The following KCTD16 variants were observed in gnomAD, a reference collection of about 807,000 sequenced individuals.
KCTD16 encodes BTB/POZ domain-containing protein KCTD16.
KCTD16 carries 13 observed loss-of-function variants against 33.2 expected under a neutral mutation model. The ratio of observed to expected loss-of-function variants is 0.39; its 90% CI spans 0.25 to 0.62. The LOEUF (loss-of-function observed/expected upper bound fraction) is 0.62. Ranked by LOEUF, KCTD16 falls within the 20% of genes least tolerant of loss-of-function variation. KCTD16 has a pLI of 0.50. For missense variants in KCTD16, 441 were observed against 525.1 expected, an observed-to-expected ratio of 0.84 and a Z score of 1.57; for synonymous variants, 197 against 195.3, an observed-to-expected ratio of 1.01 and a Z score of -0.07.
intron 3 of KCTD16, among the ~76,000 whole-genome samples, chr5:144,246,145 T>C (rs938883441): frequency 1.3e-5 from 2 of 152,180 alleles, no homozygotes; most frequent in African/African-American, 4.8e-5. Flanking sequence ...GAGTTGGTCT[T>C]CATCAAGCTT....
At chr5:144,339,005 G>A (rs1326106935) in intron 3 of KCTD16, among the ~76,000 whole-genome samples, 1 of 152,002 alleles carries the variant, frequency 6.6e-6, no homozygotes, top group Non-Finnish European at 1.5e-5. Context: ...TCCATCCCCT[G>A]GAACGTGAGG....
intron 2 of KCTD16, among the ~76,000 whole-genome samples, chr5:144,179,817 ATGT>A (rs1341385874): frequency 2.0e-5 from 3 of 152,234 alleles, no homozygotes; most frequent in Non-Finnish European, 4.4e-5. Flanking sequence ...ACATAAAATA[ATGT>A]TGTTTGTGGT....
At chr5:144,254,720 T>G (rs753848904) in intron 3 of KCTD16, among the ~76,000 whole-genome samples, 3 of 152,190 alleles carry the variant, frequency 2.0e-5, no homozygotes, top group African/African-American at 4.8e-5. Flanking sequence ...CTTGATTCTA[T>G]GACCTTGAGT....
chr5:144,241,449 G>A (rs1754401585), intron 3 of KCTD16, among the ~76,000 whole-genome samples: 1 of 152,072 alleles, frequency 6.6e-6, no homozygotes, highest in East Asian at 1.9e-4. Flanking sequence ...ACTGGAAATT[G>A]CAATCAGATC....
intron 2 of KCTD16, among the ~76,000 whole-genome samples, chr5:144,175,328 T>C (rs1752478693): frequency 3.3e-5 from 5 of 152,234 alleles, no homozygotes; most frequent in Admixed American, 3.3e-4. Context: ...TGAGTCCTTA[T>C]GCTAAAGCAG....
In KCTD16 at chr5:144,292,052, G is replaced by A. The variant is rs545211269; in HGVS notation, c.832+84506G>A. Among the ~76,000 whole-genome samples, 4 of 152,138 alleles carry A rather than the reference G, an allele frequency of 2.6e-5. No homozygotes were observed. In the South Asian group the frequency reaches 8.3e-4, roughly 32 times the overall value. On this transcript the variant is annotated intron_variant, in intron 3 of 3. Transcript: ENST00000512467. Reference sequence around the variant, plus strand: ...ATTTTAACTATTTTTCAATATAATTGGTTTCTTTTGTATTTTATTTTATGC... The same window carrying A: ...ATTTTAACTATTTTTCAATATAATTAGTTTCTTTTGTATTTTATTTTATGC...
chr5:144,313,079 TG>T (rs1488652188), intron 3 of KCTD16, among the ~76,000 whole-genome samples: 1 of 152,186 alleles, frequency 6.6e-6, no homozygotes, highest in Non-Finnish European at 1.5e-5. Context: ...GCAGTATAGT[TG>T]CAACCTATAT....
intron 3 of KCTD16, among the ~76,000 whole-genome samples, chr5:144,449,097 C>G (rs879807588): frequency 1.3e-5 from 2 of 152,006 alleles, no homozygotes; most frequent in Non-Finnish European, 2.9e-5. Flanking sequence ...CAATCAATAT[C>G]TATATGTACA....
At chr5:144,431,229 T>C (rs1020478409) in intron 3 of KCTD16, among the ~76,000 whole-genome samples, 1 of 152,192 alleles carries the variant, frequency 6.6e-6, no homozygotes, top group Non-Finnish European at 1.5e-5. Context: ...CCATTTAACA[T>C]GTTTAGTCCA....
intron 3 of KCTD16, among the ~76,000 whole-genome samples, chr5:144,372,030 A>G (rs940706116): frequency 3.3e-5 from 5 of 152,148 alleles, no homozygotes; most frequent in Non-Finnish European, 5.9e-5. Flanking sequence ...TCTGCTTGAC[A>G]GGTTAAGGAT....
At chr5:144,306,476 G>A (rs1372550444) in intron 3 of KCTD16, among the ~76,000 whole-genome samples, 1 of 152,190 alleles carries the variant, frequency 6.6e-6, no homozygotes, top group Non-Finnish European at 1.5e-5. Flanking sequence ...ACTACCACTG[G>A]TGGAGCTAAG....
intron 3 of KCTD16, among the ~76,000 whole-genome samples, chr5:144,345,124 A>G (rs917552272): frequency 2.7e-5 from 4 of 147,888 alleles, no homozygotes; most frequent in Non-Finnish European, 6.0e-5. Context: ...CAAACACCGC[A>G]TGTTCTCACT....
chr5:144,171,034 C>T (rs1178091004), intron 1 of KCTD16, 25 bp downstream of exon 1: 4 of 152,188 alleles, frequency 2.6e-5, no homozygotes, highest in Non-Finnish European at 5.9e-5. Context: ...ATCTTTACAA[C>T]CTAATGAGAT....
At chr5:144,472,259 C>T (rs1204634556) in intron 3 of KCTD16, among the ~76,000 whole-genome samples, 1 of 152,124 alleles carries the variant, frequency 6.6e-6, no homozygotes, top group African/African-American at 2.4e-5. Context: ...TGTAGAAGTG[C>T]CCAGCATGTA....
Position 144,344,826 on chromosome 5 carries a change from A to G in KCTD16, c.833-128834A>G, listed in dbSNP as rs951430687. On this transcript the variant is annotated intron_variant, in intron 3 of 3. Coordinates refer to ENST00000512467, the MANE Select transcript of KCTD16 (RefSeq NM_020768.4). ...TCCTCAGGGATCTAGAACTAGAAAT[A>G]CCATTTGACCCAGCCATCCCATTTC... Among the ~76,000 whole-genome samples, 490 of 150,464 alleles carry G rather than the reference A, an allele frequency of 3.3e-3. 6 individuals are homozygous for G. Among genetic ancestry groups the G allele is most frequent in the African/African-American group, 0.011 (459 of 41,100 alleles).
chr5:144,288,335 A>C (rs1404522679), intron 3 of KCTD16, among the ~76,000 whole-genome samples: 1 of 152,208 alleles, frequency 6.6e-6, no homozygotes, highest in Non-Finnish European at 1.5e-5. Context: ...TGCTAACAGC[A>C]ATAATTAACT....
In KCTD16 at chr5:144,476,729, T is replaced by C. The variant is rs907297241; in HGVS notation, c.*2615T>C. The C allele has an allele frequency of 4.6e-5, 7 of 152,160 alleles. No homozygotes were observed. Among genetic ancestry groups the C allele is most frequent in the Non-Finnish European group, 7.3e-5 (5 of 68,048 alleles). 9.4% of individuals were successfully genotyped at this position (152,160 alleles called of 1,614,324 possible). On this transcript the variant is annotated 3_prime_UTR_variant, in exon 4 of 4. Coordinates refer to ENST00000512467, the MANE Select transcript of KCTD16 (RefSeq NM_020768.4). Reference sequence around the variant, plus strand: ...AAAGTACCTAGTTTGAGTGGAGTTATCAAGTGAGGTCCAGGTAGCCTGCAA... The same window carrying C: ...AAAGTACCTAGTTTGAGTGGAGTTACCAAGTGAGGTCCAGGTAGCCTGCAA...
At chr5:144,210,667 A>G (rs947725005) in intron 3 of KCTD16, among the ~76,000 whole-genome samples, 1 of 152,132 alleles carries the variant, frequency 6.6e-6, no homozygotes, top group Admixed American at 6.6e-5. Flanking sequence ...TTTGAACTAG[A>G]TACTCAATAA....
At chr5:144,192,603 C>G (rs1752864601) in intron 2 of KCTD16, among the ~76,000 whole-genome samples, 1 of 152,180 alleles carries the variant, frequency 6.6e-6, no homozygotes, top group Admixed American at 6.5e-5. Flanking sequence ...GAAGTTAAAG[C>G]AAGCCACTGG....
Sources: allele counts gnomAD v4.1 joint callset (sites outside exome capture counted in the v4.1 genomes callset), GRCh38; gene constraint gnomAD v4.1.1; transcripts MANE v1.5; gene names NCBI Gene and HGNC (gene_info 2026-07-23, HGNC 2026-07-21).